Variants in MANBAL observed in about 807,000 individuals in gnomAD.
The protein encoded by MANBAL is protein MANBAL.
MANBAL carries 1 observed loss-of-function variant against 6.4 expected under a neutral mutation model. That is an observed-to-expected ratio of 0.16 (90% CI 0.06 to 0.74). The LOEUF is 0.74. Among genes scored for constraint, MANBAL ranks in the 30% least tolerant of loss-of-function variants. The probability of loss-of-function intolerance (pLI) is 0.78; values close to 1 mark genes in which losing one functional copy is unlikely to be tolerated. For missense variants in MANBAL, 100 were observed against 107.8 expected (o/e 0.93, Z 0.32); for synonymous variants, 47 against 45.8 (o/e 1.03, Z -0.10).
At chr20:37,297,873 G>C (rs2069034871) in intron 1 of MANBAL, among the ~76,000 whole-genome samples, 1 of 152,140 alleles carries the variant, frequency 6.6e-6, no homozygotes, top group Non-Finnish European at 1.5e-5. Context: ...TCAAACTCCT[G>C]ACCTCAGGTG....
intron 1 of MANBAL, chr20:37,297,092 G>A (rs1041722031): frequency 1.3e-5 from 2 of 152,184 alleles, no homozygotes; most frequent in African/African-American, 2.4e-5. Context: ...GTGCAACTGC[G>A]GAGAAATGAG....
At chr20:37,292,822 A>G (rs2068903851) in intron 1 of MANBAL, among the ~76,000 whole-genome samples, 1 of 152,110 alleles carries the variant, frequency 6.6e-6, no homozygotes, top group South Asian at 2.1e-4. Flanking sequence ...TTTCTGCCCC[A>G]GTCCTAGAAT....
intron 2 of MANBAL, among the ~76,000 whole-genome samples, chr20:37,302,066 G>A (rs2069150547): frequency 6.6e-6 from 1 of 152,186 alleles, no homozygotes; most frequent in Non-Finnish European, 1.5e-5. Context: ...TGGCTTTTTT[G>A]TTGTTGTTTT....
intron 2 of MANBAL, among the ~76,000 whole-genome samples, chr20:37,305,195 A>G (rs1345973585): frequency 6.6e-6 from 1 of 152,234 alleles, no homozygotes; most frequent in African/African-American, 2.4e-5. Flanking sequence ...CTGTCCCTGC[A>G]GACGTGGCAT....
chr20:37,315,212 A>G (rs568016522), intron 2 of MANBAL, among the ~76,000 whole-genome samples: 51 of 152,310 alleles, frequency 3.3e-4, no homozygotes, highest in Admixed American at 5.9e-4. Context: ...AGGAATCCAG[A>G]TTTCATGGGA....
intron 1 of MANBAL, among the ~76,000 whole-genome samples, chr20:37,292,624 G>A (rs2068897730): frequency 6.6e-6 from 1 of 152,158 alleles, no homozygotes; most frequent in African/African-American, 2.4e-5. Context: ...TGAACTCATG[G>A]ATGTTTATTT....
At chr20:37,293,083 G>A (rs1440720753) in intron 1 of MANBAL, among the ~76,000 whole-genome samples, 1 of 152,212 alleles carries the variant, frequency 6.6e-6, no homozygotes, top group African/African-American at 2.4e-5. Flanking sequence ...TTCTAGCTTG[G>A]CAGTCCCCAA....
rs138697092 is a variant in MANBAL at position 37,306,267 on chromosome 20, C to T, written c.150+4854C>T. On this transcript the variant is annotated intron_variant, in intron 2 of 2. Coordinates refer to ENST00000373606, the MANE Select transcript of MANBAL (RefSeq NM_001003897.2). ...GGGTCAGAAGATAATATTTTTGGCT[C>T]CAGATGATGGGAAAGCCTTTGAAAA... is the stretch of plus-strand genomic sequence containing the variant. Among the ~76,000 whole-genome samples the T allele has an allele frequency of 2.4e-3, 361 of 152,216 alleles. 3 individuals carry two copies. Among genetic ancestry groups the T allele is most frequent in the African/African-American group, 8.4e-3 (347 of 41,536 alleles).
intron 1 of MANBAL, among the ~76,000 whole-genome samples, chr20:37,298,490 T>G (rs373217457): frequency 6.6e-6 from 1 of 152,146 alleles, no homozygotes; most frequent in Non-Finnish European, 1.5e-5. Flanking sequence ...TCATACAATA[T>G]TTGTCCTTTT....
intron 2 of MANBAL, 106 bp downstream of exon 2, chr20:37,301,519 C>T: frequency 7.9e-7 from 1 of 1,263,186 alleles, no homozygotes; most frequent in Non-Finnish European, 1.1e-6. Context: ...TACATTGGGC[C>T]TTTTTGATTT....
rs2069527763 is a variant in MANBAL at position 37,316,627 on chromosome 20, G to C, written c.*212G>C. On this transcript the variant is annotated 3_prime_UTR_variant, in exon 3 of 3. Transcript: ENST00000373606. ...TTCCTTCTGCTTCTGTGACGGTTTA[G>C]AGTCAAGGGGGCTGAAACACACTGT... 2.2e-6 allele frequency: 1 copy of C among 459,936 alleles called. No individual in the cohort carries two copies. The highest frequency in any genetic ancestry group is 2.0e-5 in the African/African-American group (1 of 50,432). 28.5% of individuals were successfully genotyped at this position (459,936 alleles called of 1,614,324 possible).
intron 1 of MANBAL, chr20:37,298,784 G>C (rs1439419307): frequency 6.6e-6 from 1 of 151,624 alleles, no homozygotes; most frequent in East Asian, 1.9e-4. Context: ...CCGTCACTCA[G>C]GGTGGCGCAA....
At chr20:37,310,805 A>G (rs551410898) in intron 2 of MANBAL, among the ~76,000 whole-genome samples, 109 of 152,230 alleles carry the variant, frequency 7.2e-4, no homozygotes, top group Non-Finnish European at 1.1e-3. Context: ...GTGATTGCTG[A>G]GGAAACTTGA....
rs1176893117 is a variant in MANBAL at position 37,317,130 on chromosome 20, C to T, written c.*715C>T. On this transcript the variant is annotated 3_prime_UTR_variant, in exon 3 of 3. Transcript: ENST00000373606. Reference sequence around the variant, plus strand: ...TCAGACCAACCTCTTTTCAACCCATCATAGCACGTTCAAGGTGTGCCTTTT... The same window carrying T: ...TCAGACCAACCTCTTTTCAACCCATTATAGCACGTTCAAGGTGTGCCTTTT... The T allele has an allele frequency of 1.3e-5, 2 of 152,710 alleles. No individual in the cohort carries two copies. The highest frequency in any genetic ancestry group is 2.9e-5 in the Non-Finnish European group (2 of 68,062). 9.5% of individuals were successfully genotyped at this position (152,710 alleles called of 1,614,324 possible).
At chr20:37,310,624 A>T (rs2146826625) in intron 2 of MANBAL, among the ~76,000 whole-genome samples, 1 of 152,324 alleles carries the variant, frequency 6.6e-6, no homozygotes, top group Middle Eastern at 3.4e-3. Context: ...AAGGGATATG[A>T]TGTATTGTGG....
chr20:37,316,488 G>A lies in MANBAL; in HGVS notation c.*73G>A. 3 of 1,337,124 alleles carry A rather than the reference G, an allele frequency of 2.2e-6. No individual in the cohort carries two copies. The South Asian group carries it at 3.8e-5, about 17-fold the overall frequency. 82.8% of individuals were successfully genotyped at this position (1,337,124 alleles called of 1,614,324 possible). On this transcript the variant is annotated 3_prime_UTR_variant, in exon 3 of 3. Coordinates refer to ENST00000373606, the MANE Select transcript of MANBAL (RefSeq NM_001003897.2). ...CAGCCCTCCTGGGAATCTACATTGT[G>A]TTCCCCCGCATTCCAGGCTCAGGGT...
At chr20:37,314,791 G>A (rs952742608) in intron 2 of MANBAL, among the ~76,000 whole-genome samples, 1 of 152,200 alleles carries the variant, frequency 6.6e-6, no homozygotes, top group African/African-American at 2.4e-5. Flanking sequence ...TGGCCGATAG[G>A]AGGGAGCTGA....
At chr20:37,308,925 T>C (rs2069319375) in intron 2 of MANBAL, among the ~76,000 whole-genome samples, 1 of 152,228 alleles carries the variant, frequency 6.6e-6, no homozygotes, top group African/African-American at 2.4e-5. Flanking sequence ...ATAGTGCATC[T>C]CGTCAGCTCA....
At chr20:37,302,370 A>G (rs1263710640) in intron 2 of MANBAL, 14 of 1,548,976 alleles carry the variant, frequency 9.0e-6, no homozygotes, top group Non-Finnish European at 1.2e-5. Context: ...ACTGTGTGGC[A>G]TCAACAAGCA....
Sources: gnomAD v4.1 joint callset for allele counts (sites outside exome capture counted in the v4.1 genomes callset) on GRCh38, gnomAD v4.1.1 for gene constraint, MANE v1.5 for transcripts, NCBI Gene and HGNC (gene_info 2026-07-23, HGNC 2026-07-21) for gene names.